Variants in ERICH6B observed in about 807,000 individuals in gnomAD.
The protein encoded by ERICH6B is glutamate rich 6B.
A neutral mutation model predicts 80.0 loss-of-function variants in ERICH6B; 69 were observed. That is an observed-to-expected ratio of 0.86 (90% CI 0.71 to 1.05). The LOEUF (loss-of-function observed/expected upper bound fraction) is 1.05, where lower values mean the gene tolerates loss of function less well. ERICH6B is among the 50% of genes least tolerant of loss of function. The pLI is 0.00. For synonymous variants in ERICH6B, 283 were observed against 291.9 expected (o/e 0.97, Z 0.31); for missense variants, 754 against 796.1 (o/e 0.95, Z 0.64).
At position 45,596,540 on chromosome 13, in the gene ERICH6B, C is replaced by A; in HGVS notation, c.466G>T (p.Asp156Tyr). The change falls in exon 3 of 15, where the codon GAT becomes TAT. Residue 156 changes from aspartate (D) to tyrosine (Y), a missense_variant. Physicochemically the swap from Asp to Tyr is radical, Grantham distance 160. Coordinates refer to ENST00000298738, the MANE Select transcript of ERICH6B (RefSeq NM_182542.3). Reference protein sequence around the residue: ...LEKEDYIEEVDYLGKKAYLEE... With the variant: ...LEKEDYIEEVYYLGKKAYLEE... ...AGATACGCTTTCTTCCCCAGATAAT[C>A]TACCTCCTCAATATAATCTTCCTTC... The A allele has an allele frequency of 6.4e-7, 1 of 1,551,434 alleles. No individual in the cohort carries two copies. Among genetic ancestry groups the A allele is most frequent in the Non-Finnish European group, 8.7e-7 (1 of 1,146,462 alleles).
At chr13:45,556,117 C>T (rs1213709344) in intron 11 of ERICH6B, among the ~76,000 whole-genome samples, 1 of 151,638 alleles carries the variant, frequency 6.6e-6, no homozygotes, top group East Asian at 1.9e-4. Flanking sequence ...TGGAGGGCCC[C>T]CTCTGCTGCT....
rs550345543 is a variant in ERICH6B at position 45,586,114 on chromosome 13, T to C, written c.856+949A>G. On this transcript the variant is annotated intron_variant, in intron 5 of 14. Transcript: ENST00000298738. ...TTGAGATGGCTCCAGTTCTTGGGGC[T>C]CCGTGGGAGCACACACGCTGAAAAA... is the stretch of plus-strand genomic sequence containing the variant. Among the ~76,000 whole-genome samples, 343 of 152,284 alleles carry C rather than the reference T, an allele frequency of 2.3e-3. 3 individuals are homozygous for C. Among genetic ancestry groups the C allele is most frequent in the Middle Eastern group, 3.4e-3 (1 of 294 alleles).
At chr13:45,614,684 G>A (rs1396088460) in intron 1 of ERICH6B, among the ~76,000 whole-genome samples, 1 of 152,252 alleles carries the variant, frequency 6.6e-6, no homozygotes, top group Non-Finnish European at 1.5e-5. Context: ...GGATCAAGGT[G>A]AGAAGCCTCA....
rs1334071763 is a variant in ERICH6B, at chr13:45,596,368, C to G, written c.637+1G>C. ...ATGCTCTCCCTCCTCCAGATACTCA[C>G]CTTTCAGATACTTTTTATACAGATT... On this transcript the variant is annotated splice_donor_variant, in intron 3 of 14. Coordinates refer to ENST00000298738, the MANE Select transcript of ERICH6B (RefSeq NM_182542.3). LOFTEE classifies it high-confidence loss of function. 2.6e-6 allele frequency: 4 copies of G among 1,547,442 alleles called. No individual in the cohort carries two copies. Among genetic ancestry groups the G allele is most frequent in the Non-Finnish European group, 3.5e-6 (4 of 1,145,074 alleles).
intron 4 of ERICH6B, among the ~76,000 whole-genome samples, chr13:45,589,118 T>C (rs1466141979): frequency 6.6e-6 from 1 of 152,204 alleles, no homozygotes; most frequent in Non-Finnish European, 1.5e-5. Context: ...TGTGTGAATG[T>C]AACACTTACT....
chr13:45,550,098 G>A, intron 12 of ERICH6B, 53 bp from the exon 13 acceptor site: 1 of 1,546,194 alleles, frequency 6.5e-7, no homozygotes, highest in Admixed American at 2.0e-5. Flanking sequence ...CCTGGAAAAG[G>A]TAGGGCCCTG....
chr13:45,613,908 G>A (rs1446378448), intron 1 of ERICH6B, among the ~76,000 whole-genome samples: 4 of 152,154 alleles, frequency 2.6e-5, no homozygotes, highest in African/African-American at 7.2e-5. Context: ...GTTGGGCTGG[G>A]GGACTCATGG....
intron 1 of ERICH6B, among the ~76,000 whole-genome samples, chr13:45,607,848 C>T (rs1949877749): frequency 6.6e-6 from 1 of 152,156 alleles, no homozygotes; most frequent in South Asian, 2.1e-4. Context: ...AACCCCACCG[C>T]CACCCCTGAA....
In ERICH6B at chr13:45,596,786, G is replaced by C; in HGVS notation, c.220C>G (p.Leu74Val). Reference sequence around the variant, plus strand: ...TCCTTCAAGTATTCTTCTTTCCCCAGATACTCTTCCTCTTCCAGATCCTCT... The same window carrying C: ...TCCTTCAAGTATTCTTCTTTCCCCACATACTCTTCCTCTTCCAGATCCTCT... ...EEEDLEEEEY[L>V]GKEEYLKEEE... Residue 74 changes from leucine (L) to valine (V), a missense_variant, in exon 3 of 15, where the codon CTG becomes GTG. Coordinates refer to ENST00000298738, the MANE Select transcript of ERICH6B (RefSeq NM_182542.3). 1 of 1,551,632 alleles carries C rather than the reference G, an allele frequency of 6.4e-7. No homozygotes were observed. Among genetic ancestry groups the C allele is most frequent in the Non-Finnish European group, 8.7e-7 (1 of 1,146,960 alleles).
intron 11 of ERICH6B, among the ~76,000 whole-genome samples, chr13:45,558,714 G>A (rs564721989): frequency 1.2e-4 from 19 of 152,178 alleles, no homozygotes; most frequent in Non-Finnish European, 2.1e-4. Flanking sequence ...TTTTTAATTC[G>A]TTTATGTTGT....
At chr13:45,584,437 G>C (rs1411661295) in intron 5 of ERICH6B, among the ~76,000 whole-genome samples, 1 of 152,178 alleles carries the variant, frequency 6.6e-6, no homozygotes, top group African/African-American at 2.4e-5. Context: ...GAGCCATGTG[G>C]AACACGATTT....
At chr13:45,572,617 C>T (rs1875221172) in intron 8 of ERICH6B, among the ~76,000 whole-genome samples, 1 of 152,150 alleles carries the variant, frequency 6.6e-6, no homozygotes, top group African/African-American at 2.4e-5. Context: ...AATACTAATA[C>T]ATGAGACTAC....
chr13:45,548,479 GC>G (rs1450129480), intron 13 of ERICH6B, among the ~76,000 whole-genome samples: 8 of 152,204 alleles, frequency 5.3e-5, no homozygotes, highest in African/African-American at 1.9e-4. Flanking sequence ...TGGAGCAGCT[GC>G]CCCTGGGGGA....
In ERICH6B at chr13:45,575,194, T is replaced by A. The variant is rs145986204; in HGVS notation, c.962-264A>T. ...GCATGTTCCTGGTGGCTGGTGAGGG[T>A]CAGTCTGACAAAGTGGTCTTTGAAT... On this transcript the variant is annotated intron_variant, in intron 7 of 14. Coordinates refer to ENST00000298738, the MANE Select transcript of ERICH6B (RefSeq NM_182542.3). Among the ~76,000 whole-genome samples, 1,142 of 152,140 alleles carry A rather than the reference T, an allele frequency of 7.5e-3. 14 individuals carry two copies. The highest frequency in any genetic ancestry group is 0.026 in the African/African-American group (1,064 of 41,500).
At chr13:45,554,766 CG>C (rs1438436160) in intron 11 of ERICH6B, among the ~76,000 whole-genome samples, 2 of 152,186 alleles carry the variant, frequency 1.3e-5, no homozygotes, top group African/African-American at 4.8e-5. Context: ...GTCCTGCAGG[CG>C]GGACCCCGAG....
At chr13:45,615,056 T>A (rs949288802) in intron 1 of ERICH6B, among the ~76,000 whole-genome samples, 1 of 152,218 alleles carries the variant, frequency 6.6e-6, no homozygotes, top group Non-Finnish European at 1.5e-5. Flanking sequence ...TCGAATATAT[T>A]CAGGTTTGAA....
chr13:45,590,585 G>T (rs1876116191), intron 4 of ERICH6B, 64 bp downstream of exon 4: 1 of 1,455,090 alleles, frequency 6.9e-7, no homozygotes, highest in Non-Finnish European at 9.4e-7. Flanking sequence ...TTCTCCAAGG[G>T]CTGCTGAAAC....
Position 45,593,413 on chromosome 13 carries a change from T to A in ERICH6B, c.638-2716A>T, listed in dbSNP as rs558157057. Among the ~76,000 whole-genome samples, 5 of 152,316 alleles carry A rather than the reference T, an allele frequency of 3.3e-5. 1 individual carries two copies. The highest frequency in any genetic ancestry group is 3.4e-3 in the Middle Eastern group (1 of 294). On this transcript the variant is annotated intron_variant, in intron 3 of 14. Transcript: ENST00000298738. ...GGCAAGGGAATAATAATACATCATGTAATATAATAATACTTATAATGGCTA... is the reference window on the plus strand; with the variant it reads ...GGCAAGGGAATAATAATACATCATGAAATATAATAATACTTATAATGGCTA...
At position 45,598,853 on chromosome 13, in the gene ERICH6B, T is replaced by C. The variant is rs537096923; in HGVS notation, c.-58-1790A>G. 2.0e-3 allele frequency among the ~76,000 whole-genome samples: 305 copies of C among 152,278 alleles called. 1 individual carries two copies. Among genetic ancestry groups the C allele is most frequent in the Non-Finnish European group, 2.6e-3 (180 of 68,018 alleles). ...CCCTTTCTGATAGTGATGTCATTCTTGGGACAGCCGGTATCTGAGGACCAG... is the reference window on the plus strand; with the variant it reads ...CCCTTTCTGATAGTGATGTCATTCTCGGGACAGCCGGTATCTGAGGACCAG... On this transcript the variant is annotated intron_variant, in intron 2 of 14. Coordinates refer to ENST00000298738, the MANE Select transcript of ERICH6B (RefSeq NM_182542.3).
Sources: allele counts gnomAD v4.1 joint callset (sites outside exome capture counted in the v4.1 genomes callset), GRCh38; gene constraint gnomAD v4.1.1; transcripts MANE v1.5; gene names NCBI Gene and HGNC (gene_info 2026-07-23, HGNC 2026-07-21).